GINS3: variants seen among roughly 807,000 people sequenced by gnomAD.
GINS3 encodes DNA replication complex GINS protein PSF3.
GINS3 carries 18 observed loss-of-function variants against 20.0 expected under a neutral mutation model. The ratio of observed to expected loss-of-function variants is 0.90; its 90% CI spans 0.62 to 1.33. The LOEUF is 1.33. Among genes scored for constraint, GINS3 ranks in the 40% most tolerant of loss-of-function variants. The pLI is 0.00. For synonymous variants in GINS3, 109 were observed against 107.0 expected (o/e 1.02, Z -0.12); for missense variants, 254 against 273.6 (o/e 0.93, Z 0.51).
At chr16:58,399,448 C>T (rs1965926861) in intron 1 of GINS3, among the ~76,000 whole-genome samples, 1 of 152,000 alleles carries the variant, frequency 6.6e-6, no homozygotes, top group Non-Finnish European at 1.5e-5. Flanking sequence ...ATCTCTAATG[C>T]TCCTGTCTTT....
Position 58,404,860 on chromosome 16 carries a change from T to C in GINS3, c.*131T>C. On this transcript the variant is annotated 3_prime_UTR_variant, in exon 3 of 3. Transcript: ENST00000318129. ...GCTTATTTCCTGTGGCCATAGAGAA[T>C]TATAGGGAACTGGACATGCTGGAGG... 1 of 696,550 alleles carries C rather than the reference T, an allele frequency of 1.4e-6. No individual in the cohort carries two copies. The highest frequency in any genetic ancestry group is 1.8e-5 in the South Asian group (1 of 54,546). 43.1% of individuals were successfully genotyped at this position (696,550 alleles called of 1,614,324 possible). A position where few individuals can be genotyped will look rare whatever the true frequency, so the allele number is the denominator to read the frequency against.
chr16:58,399,669 T>G (rs1404121739), intron 1 of GINS3, among the ~76,000 whole-genome samples: 1 of 152,188 alleles, frequency 6.6e-6, no homozygotes, highest in Non-Finnish European at 1.5e-5. Context: ...ATGTCCCATC[T>G]GTTTTAGCTT....
At chr16:58,396,970 A>G (rs1965881477) in intron 1 of GINS3, among the ~76,000 whole-genome samples, 1 of 142,146 alleles carries the variant, frequency 7.0e-6, no homozygotes, top group Admixed American at 6.9e-5. Flanking sequence ...GTGGCCGGGC[A>G]GAGGCGCCCC....
intron 2 of GINS3, 90 bp downstream of exon 2, chr16:58,403,421 G>A (rs1965984578): frequency 4.1e-6 from 4 of 986,776 alleles, no homozygotes; most frequent in South Asian, 3.3e-5. Context: ...TGTATGACTT[G>A]TAAATTTAGT....
In GINS3 at chr16:58,404,761, G is replaced by C; in HGVS notation, c.*32G>C. 2 of 1,483,908 alleles carry C rather than the reference G, an allele frequency of 1.3e-6. No individual in the cohort carries two copies. Among genetic ancestry groups the C allele is most frequent in the Non-Finnish European group, 1.9e-6 (2 of 1,067,702 alleles). 91.9% of individuals were successfully genotyped at this position (1,483,908 alleles called of 1,614,324 possible). A position where few individuals can be genotyped will look rare whatever the true frequency, so the allele number is the denominator to read the frequency against. On this transcript the variant is annotated 3_prime_UTR_variant, in exon 3 of 3. Coordinates refer to ENST00000318129, the MANE Select transcript of GINS3 (RefSeq NM_022770.4). ...GAAGAACACAGAATGGCTCCTCACA[G>C]ACGTATCCCTCCGTGTGTCCTTGAT...
chr16:58,394,775 T>C (rs1344697650), intron 1 of GINS3, among the ~76,000 whole-genome samples: 1 of 152,196 alleles, frequency 6.6e-6, no homozygotes, highest in Non-Finnish European at 1.5e-5. Context: ...CAACAGGACT[T>C]TGTACTGTTC....
intron 1 of GINS3, among the ~76,000 whole-genome samples, chr16:58,396,110 G>A (rs1451915574): frequency 7.1e-5 from 10 of 141,216 alleles, no homozygotes; most frequent in East Asian, 4.4e-4. Context: ...CCTCCCTCCC[G>A]GACGGGGCGG....
rs72788185 is a variant in GINS3 at position 58,393,285 on chromosome 16, T to A, written c.186+498T>A. 9.1e-3 allele frequency among the ~76,000 whole-genome samples: 1,390 copies of A among 152,180 alleles called. 10 individuals carry two copies. The highest frequency in any genetic ancestry group is 0.014 in the Non-Finnish European group (925 of 67,992). On this transcript the variant is annotated intron_variant, in intron 1 of 2. Transcript: ENST00000318129. ...TGAGGCTTACTTAGTGGCAGCATGG[T>A]TGGGTGTGGGGAGTAAGCTTTTCCC...
chr16:58,395,250 A>AT (rs778356186), intron 1 of GINS3: 2,039 of 223,036 alleles, frequency 9.1e-3, no homozygotes, highest in East Asian at 0.011. Context: ...TAATTTTTGT[A>AT]TTTTTTTTTT....
In GINS3 at chr16:58,392,624, T is replaced by A. The variant is rs759925901; in HGVS notation, c.23T>A (p.Val8Glu). 8.1e-6 allele frequency: 13 copies of A among 1,613,926 alleles called. No individual in the cohort carries two copies. In the East Asian group the frequency reaches 2.9e-4, roughly 36 times the overall value. Residue 8 changes from valine (V) to glutamate (E), a missense_variant, in exon 1 of 3, where the codon GTG (valine) becomes GAG (glutamate). Transcript: ENST00000318129. MSEAYFR[V>E]ESGALGPEEN... ...GCCATGTCAGAGGCTTATTTCCGAG[T>A]GGAGTCGGGTGCGCTGGGGCCTGAG... is the stretch of plus-strand genomic sequence containing the variant.
chr16:58,395,723 G>T (rs887548457), intron 1 of GINS3, among the ~76,000 whole-genome samples: 1 of 152,140 alleles, frequency 6.6e-6, no homozygotes, highest in African/African-American at 2.4e-5. Flanking sequence ...AGTCTCCCAC[G>T]TCTACTTGTT....
chr16:58,396,246 G>T (rs1317335455), intron 1 of GINS3, among the ~76,000 whole-genome samples: 2 of 130,448 alleles, frequency 1.5e-5, no homozygotes, highest in Non-Finnish European at 3.3e-5. Context: ...CAGACGGGGC[G>T]GCTGGCCGGG....
rs1275111270 is a variant in GINS3 at position 58,392,496 on chromosome 16, A to AC, written c.-102dup. On this transcript the variant is annotated 5_prime_UTR_variant, in exon 1 of 3. Coordinates refer to ENST00000318129, the MANE Select transcript of GINS3 (RefSeq NM_022770.4). ...AAACGAGTTTCAATCCACTTTCCTG[A>AC]CCCCAACCATCCTGCCCAGTCTCCG... is the stretch of plus-strand genomic sequence containing the variant. The AC allele has an allele frequency of 3.1e-6, 4 of 1,293,340 alleles. No homozygotes were observed. Among genetic ancestry groups the AC allele is most frequent in the Non-Finnish European group, 4.3e-6 (4 of 927,080 alleles). The allele number at this position is 1,293,340 out of a possible 1,614,324, so 80.1% of individuals were successfully genotyped here. A position where few individuals can be genotyped will look rare whatever the true frequency, so the allele number is the denominator to read the frequency against.
chr16:58,403,683 C>T, intron 2 of GINS3: 1 of 261,554 alleles, frequency 3.8e-6, no homozygotes, highest in Non-Finnish European at 7.3e-6. Context: ...GATCGCTGAG[C>T]CCAGGAGTTC....
At position 58,392,538 on chromosome 16, in the gene GINS3, A is replaced by G. The variant is rs142471085; in HGVS notation, c.-64A>G. 3,865 of 1,553,438 alleles carry G rather than the reference A, an allele frequency of 2.5e-3. 6 individuals carry two copies. The highest frequency in any genetic ancestry group is 3.1e-3 in the Non-Finnish European group (3,579 of 1,136,948). On this transcript the variant is annotated 5_prime_UTR_variant, in exon 1 of 3. Transcript: ENST00000318129. ...CAGTCTCCGCTTCCCCGTCTTGTACACCCCTAACTCCTGAGGCTCCTCCGA... is the reference window on the plus strand; with the variant it reads ...CAGTCTCCGCTTCCCCGTCTTGTACGCCCCTAACTCCTGAGGCTCCTCCGA...
At chr16:58,393,460 TCA>T (rs1465823717) in intron 1 of GINS3, 1 of 152,232 alleles carries the variant, frequency 6.6e-6, no homozygotes, top group African/African-American at 2.4e-5. Flanking sequence ...ATATCCTGTT[TCA>T]CCTAAGTTTT....
chr16:58,392,831 C>A, intron 1 of GINS3, 44 bp downstream of exon 1: 2 of 1,522,736 alleles, frequency 1.3e-6, no homozygotes, highest in Non-Finnish European at 1.8e-6. Flanking sequence ...GACTGCAGCT[C>A]CCGGCGGGCC....
At chr16:58,395,898 G>A (rs1389037171) in intron 1 of GINS3, among the ~76,000 whole-genome samples, 1 of 151,734 alleles carries the variant, frequency 6.6e-6, no homozygotes, top group Non-Finnish European at 1.5e-5. Context: ...TCACTTCCCA[G>A]TAGGGGCGGC....
At chr16:58,398,140 A>G (rs564068331) in intron 1 of GINS3, among the ~76,000 whole-genome samples, 9 of 152,200 alleles carry the variant, frequency 5.9e-5, no homozygotes, top group Admixed American at 5.2e-4. Context: ...CTCCCACCAC[A>G]CACACACACA....
Sources: gnomAD v4.1 joint callset for allele counts (sites outside exome capture counted in the v4.1 genomes callset) on GRCh38, gnomAD v4.1.1 for gene constraint, MANE v1.5 for transcripts, NCBI Gene and HGNC (gene_info 2026-07-23, HGNC 2026-07-21) for gene names.